The following SHLD2 variants were observed in gnomAD, a reference collection of about 807,000 sequenced individuals.
SHLD2 encodes the protein shieldin complex subunit 2.
SHLD2 carries 30 observed loss-of-function variants against 73.2 expected under a neutral mutation model. The ratio of observed to expected loss-of-function variants is 0.41; its 90% confidence interval spans 0.31 to 0.56. The LOEUF (loss-of-function observed/expected upper bound fraction) is 0.56, where lower values mean the gene tolerates loss of function less well. Among genes scored for constraint, SHLD2 ranks in the 20% least tolerant of loss-of-function variants. SHLD2 has a pLI of 0.28. For synonymous variants in SHLD2, 285 were observed against 370.1 expected (o/e 0.77, Z 2.64); for missense variants, 745 against 1,055.9 (o/e 0.71, Z 4.08).
chr10:87,107,094 C>CA (rs1554827009), intron 2 of SHLD2, among the ~76,000 whole-genome samples: 2,322 of 110,506 alleles, frequency 0.021, 58 homozygotes, highest in Middle Eastern at 0.083. Flanking sequence ...CAATAATTGG[C>CA]AAAAAAAAAA....
chr10:87,152,253 A>G lies in SHLD2; in HGVS notation c.899A>G (p.Tyr300Cys), dbSNP rs760963670. The stretch of plus-strand genomic sequence containing the variant: ...CAGCTTGATGGTTTTACAGAAGCAT[A>G]TGAAAGTGGACAAAACCAAGCATAT... ...SIQLDGFTEA[Y>C]ESGQNQAYSL... Residue 300 changes from tyrosine to cysteine, a missense_variant, in exon 3 of 10, where the codon TAT becomes TGT. By Grantham distance (194) the Tyr-to-Cys change is radical (BLOSUM62 -2). Transcript: ENST00000298786. 7.0e-6 allele frequency: 11 copies of G among 1,565,682 alleles called. No individual in the cohort carries two copies. Among genetic ancestry groups the G allele is most frequent in the South Asian group, 3.5e-5 (3 of 86,304 alleles).
At position 87,157,904 on chromosome 10, in the gene SHLD2, G is replaced by A. The variant is rs374381856; in HGVS notation, c.1526-144G>A. 22 of 532,294 alleles carry A rather than the reference G, an allele frequency of 4.1e-5. 1 individual carries two copies. Among genetic ancestry groups the A allele is most frequent in the East Asian group, 2.8e-4 (9 of 31,588 alleles). The allele number at this position is 532,294 out of a possible 1,614,324, so 33.0% of individuals were successfully genotyped here. A position where few individuals can be genotyped will look rare whatever the true frequency, so the allele number is the denominator to read the frequency against. On this transcript the variant is annotated intron_variant, in intron 3 of 9. Coordinates refer to ENST00000298786, the MANE Select transcript of SHLD2 (RefSeq NM_001330112.2). The stretch of plus-strand genomic sequence containing the variant: ...TTTAGATTTGCTGTTTTCTTATTTC[G>A]TGCCTTTAGGCAGGTTATTTAACCT...
intron 2 of SHLD2, among the ~76,000 whole-genome samples, chr10:87,116,635 T>C (rs1843275000): frequency 1.3e-5 from 2 of 151,460 alleles, no homozygotes; most frequent in Non-Finnish European, 2.9e-5. Context: ...TGTAGGGGAC[T>C]GAGGAGAAAA....
intron 8 of SHLD2, among the ~76,000 whole-genome samples, chr10:87,185,896 T>G (rs1430681212): frequency 6.6e-6 from 1 of 152,166 alleles, no homozygotes; most frequent in Non-Finnish European, 1.5e-5. Flanking sequence ...TTTGTAGAGA[T>G]GAGGTCTCAT....
intron 7 of SHLD2, among the ~76,000 whole-genome samples, chr10:87,177,801 A>G (rs1367672905): frequency 6.6e-6 from 1 of 152,206 alleles, no homozygotes; most frequent in Non-Finnish European, 1.5e-5. Context: ...TACCGCCAGC[A>G]GAATTTCAGT....
intron 2 of SHLD2, among the ~76,000 whole-genome samples, chr10:87,129,052 T>C (rs1328335425): frequency 6.6e-6 from 1 of 152,044 alleles, no homozygotes; most frequent in East Asian, 1.9e-4. Context: ...ATTACAGGCG[T>C]GCATCACCAC....
intron 2 of SHLD2, among the ~76,000 whole-genome samples, chr10:87,118,958 T>C (rs1843419833): frequency 6.6e-6 from 1 of 152,084 alleles, no homozygotes; most frequent in Non-Finnish European, 1.5e-5. Context: ...GGATAATATC[T>C]TGCAGGGTGG....
intron 2 of SHLD2, among the ~76,000 whole-genome samples, chr10:87,097,640 G>C (rs1489614840): frequency 1.3e-5 from 2 of 152,302 alleles, no homozygotes; most frequent in Non-Finnish European, 1.5e-5. Flanking sequence ...GTGAGGAATA[G>C]AGCTGTGGAA....
chr10:87,148,342 G>A (rs1015168606), intron 2 of SHLD2, among the ~76,000 whole-genome samples: 7 of 152,180 alleles, frequency 4.6e-5, no homozygotes, highest in Non-Finnish European at 8.8e-5. Flanking sequence ...ATTCCAATAT[G>A]GTGGTCTCAC....
At chr10:87,140,001 A>G (rs553101996) in intron 2 of SHLD2, among the ~76,000 whole-genome samples, 1 of 152,216 alleles carries the variant, frequency 6.6e-6, no homozygotes, top group Non-Finnish European at 1.5e-5. Context: ...ACAAAGAGAA[A>G]AAAAATACTA....
At chr10:87,095,906 G>A (rs761629116) in intron 1 of SHLD2, among the ~76,000 whole-genome samples, 3 of 152,164 alleles carry the variant, frequency 2.0e-5, no homozygotes, top group Non-Finnish European at 4.4e-5. Flanking sequence ...ACCCCAGCCT[G>A]GGCAACAGAG....
At chr10:87,112,996 C>G (rs1190207254) in intron 2 of SHLD2, among the ~76,000 whole-genome samples, 1 of 152,112 alleles carries the variant, frequency 6.6e-6, no homozygotes, top group Non-Finnish European at 1.5e-5. Context: ...AGAGTGGGAA[C>G]AACCTAAATG....
chr10:87,168,599 A>C (rs183144586), intron 4 of SHLD2, among the ~76,000 whole-genome samples: 438 of 20,162 alleles, frequency 0.022, 6 homozygotes, highest in African/African-American at 0.082. Context: ...ACCTTGTCTC[A>C]AAAAAAATAA....
At chr10:87,122,584 C>A (rs1198945832) in intron 2 of SHLD2, among the ~76,000 whole-genome samples, 2 of 151,928 alleles carry the variant, frequency 1.3e-5, no homozygotes, top group Non-Finnish European at 2.9e-5. Context: ...CCCTTGGACA[C>A]CCAACACTAT....
At chr10:87,095,075 G>C (rs1364967208), upstream of SHLD2, 1 of 142,432 alleles carries the variant, frequency 7.0e-6, no homozygotes, top group Non-Finnish European at 1.5e-5. Context: ...GCGCACGCTC[G>C]CGCGCCAGTG....
intron 2 of SHLD2, among the ~76,000 whole-genome samples, chr10:87,149,930 G>A (rs1057111415): frequency 2.6e-5 from 4 of 152,018 alleles, no homozygotes; most frequent in African/African-American, 7.3e-5. Context: ...AAATATTTTT[G>A]TAGAGATGGT....
intron 2 of SHLD2, among the ~76,000 whole-genome samples, chr10:87,102,734 A>T (rs1412194183): frequency 1.3e-5 from 2 of 152,120 alleles, no homozygotes; most frequent in Non-Finnish European, 2.9e-5. Flanking sequence ...AAAAATTTTT[A>T]AAAATTGTTT....
chr10:87,147,678 C>T (rs1484812667), intron 2 of SHLD2, among the ~76,000 whole-genome samples: 1 of 151,052 alleles, frequency 6.6e-6, no homozygotes, highest in African/African-American at 2.4e-5. Flanking sequence ...GGGAATGACT[C>T]GGGGACTTTA....
intron 8 of SHLD2, among the ~76,000 whole-genome samples, chr10:87,186,851 A>G (rs1026391708): frequency 7.9e-5 from 12 of 151,848 alleles, no homozygotes; most frequent in African/African-American, 2.9e-4. Context: ...AGTATCTGAA[A>G]TTTAAAAATG....
Sources: allele counts gnomAD v4.1 joint callset (sites outside exome capture counted in the v4.1 genomes callset), GRCh38; gene constraint gnomAD v4.1.1; transcripts MANE v1.5; gene names NCBI Gene and HGNC (gene_info 2026-07-23, HGNC 2026-07-21).